Variants in PLEKHA5 observed in about 807,000 individuals in gnomAD.
PLEKHA5 encodes pleckstrin homology domain containing A5, also known as pleckstrin homology domain-containing family A member 5.
A neutral mutation model predicts 181.9 loss-of-function variants in PLEKHA5; 55 were observed. The observed-to-expected ratio is 0.30, with a 90% CI of 0.24 to 0.38. PLEKHA5 has a LOEUF of 0.38. Ranked by LOEUF, PLEKHA5 falls within the 10% of genes least tolerant of loss-of-function variation. The pLI is 1.00. For synonymous variants in PLEKHA5, 535 were observed against 529.4 expected (o/e 1.01, Z -0.15); for missense variants, 1,432 against 1,549.5 (o/e 0.92, Z 1.27).
chr12:19,319,449 G>GCTGTAA (rs986099383), intron 16 of PLEKHA5, among the ~76,000 whole-genome samples: 2 of 152,148 alleles, frequency 1.3e-5, no homozygotes, highest in Non-Finnish European at 2.9e-5. Context: ...TCCTTTTAAA[G>GCTGTAA]CTGTAACTGT....
chr12:19,354,573 C>T (rs1314971336), intron 26 of PLEKHA5, among the ~76,000 whole-genome samples: 2 of 150,574 alleles, frequency 1.3e-5, no homozygotes, highest in Admixed American at 6.6e-5. Context: ...CTCTGCCTCC[C>T]GGGTTCACAC....
intron 15 of PLEKHA5, chr12:19,307,602 T>A (rs1277301634): frequency 3.1e-6 from 1 of 327,510 alleles, no homozygotes; most frequent in East Asian, 8.8e-5. Flanking sequence ...GACTCTCATC[T>A]TCTAGACACA....
rs764193416 is a variant in PLEKHA5 at position 19,359,475 on chromosome 12, C to T, written c.3412C>T (p.His1138Tyr). 4.3e-5 allele frequency: 70 copies of T among 1,613,338 alleles called. No homozygotes were observed. The highest frequency in any genetic ancestry group is 5.9e-5 in the Non-Finnish European group (69 of 1,179,456). The part of the protein sequence containing the change: ...AIRENDVKPD[H>Y]ETPATEIVQL... ...TAGAGAAAATGATGTAAAGCCAGACCATGAAACTCCTGCAACAGAAATTGT... is the reference window on the plus strand; with the variant it reads ...TAGAGAAAATGATGTAAAGCCAGACTATGAAACTCCTGCAACAGAAATTGT... The change falls in exon 28 of 32, where the codon CAT (histidine) becomes TAT (tyrosine). Residue 1138 changes from histidine (H) to tyrosine (Y), a missense_variant. This residue lies in a region of PLEKHA5 where 1,143 missense variants were observed against 1,168.4 expected (regional missense o/e 0.98). Transcript: ENST00000429027.
At chr12:19,142,198 C>CAA (rs113358468) in intron 3 of PLEKHA5, among the ~76,000 whole-genome samples, 46 of 150,974 alleles carry the variant, frequency 3.0e-4, no homozygotes, top group African/African-American at 1.1e-3. Flanking sequence ...CCAATCTCTA[C>CAA]AAAAAAAAAT....
At chr12:19,362,813 A>G (rs1400575112) in intron 29 of PLEKHA5, among the ~76,000 whole-genome samples, 1 of 152,068 alleles carries the variant, frequency 6.6e-6, no homozygotes, top group Non-Finnish European at 1.5e-5. Context: ...GTCAAAAGGC[A>G]TATAAGCTGT....
chr12:19,333,673 A>G (rs2093076839), intron 20 of PLEKHA5, among the ~76,000 whole-genome samples: 1 of 141,490 alleles, frequency 7.1e-6, no homozygotes. Flanking sequence ...CAGTGACACC[A>G]TCTCGGCTCA....
chr12:19,137,639 A>G (rs374824468), intron 3 of PLEKHA5, among the ~76,000 whole-genome samples: 1 of 152,080 alleles, frequency 6.6e-6, no homozygotes, highest in South Asian at 2.1e-4. Flanking sequence ...CATAGCATTA[A>G]ACTCCTATAA....
chr12:19,184,780 C>T (rs758891700), intron 3 of PLEKHA5, among the ~76,000 whole-genome samples: 2 of 152,014 alleles, frequency 1.3e-5, no homozygotes, highest in East Asian at 3.9e-4. Context: ...AATTTTTAGC[C>T]TGGAAATGAA....
chr12:19,139,534 AT>A (rs2036687412), intron 3 of PLEKHA5, among the ~76,000 whole-genome samples: 1 of 152,188 alleles, frequency 6.6e-6, no homozygotes, highest in South Asian at 2.1e-4. Context: ...CTTATTGAAT[AT>A]TTACTGTGTG....
intron 3 of PLEKHA5, among the ~76,000 whole-genome samples, chr12:19,172,967 T>C (rs1252430910): frequency 1.3e-5 from 2 of 149,222 alleles, no homozygotes; most frequent in East Asian, 1.9e-4. Flanking sequence ...AAAAGTTGTT[T>C]TTTTTTTTTT....
intron 11 of PLEKHA5, among the ~76,000 whole-genome samples, chr12:19,280,773 C>T (rs1002005728): frequency 6.0e-5 from 9 of 150,836 alleles, no homozygotes; most frequent in Admixed American, 1.3e-4. Flanking sequence ...GTCACCAGCA[C>T]GATTTCAGCT....
chr12:19,321,050 C>A (rs2090557928), intron 18 of PLEKHA5, among the ~76,000 whole-genome samples: 1 of 151,718 alleles, frequency 6.6e-6, no homozygotes, highest in Non-Finnish European at 1.5e-5. Flanking sequence ...GCTTGTAATC[C>A]CAGCTACTCG....
intron 3 of PLEKHA5, chr12:19,151,745 A>C (rs1194634461): frequency 6.6e-6 from 1 of 152,104 alleles, no homozygotes; most frequent in Non-Finnish European, 1.5e-5. Flanking sequence ...ACAGTGATTT[A>C]ATTTAAGTAA....
intron 28 of PLEKHA5, 23 bp downstream of exon 28, chr12:19,359,569 G>A (rs745811765): frequency 8.7e-6 from 14 of 1,608,170 alleles, no homozygotes; most frequent in Non-Finnish European, 1.2e-5. Context: ...TTTTATGAAA[G>A]GTATTCCAAA....
intron 3 of PLEKHA5, among the ~76,000 whole-genome samples, chr12:19,160,669 C>G (rs961359056): frequency 6.6e-6 from 1 of 152,018 alleles, no homozygotes; most frequent in Non-Finnish European, 1.5e-5. Flanking sequence ...TGATGTACAT[C>G]TTTTTAGTTA....
At chr12:19,155,151 G>A (rs2151377208) in intron 3 of PLEKHA5, among the ~76,000 whole-genome samples, 1 of 152,246 alleles carries the variant, frequency 6.6e-6, no homozygotes, top group South Asian at 2.1e-4. Context: ...AACGTACATA[G>A]GAATTCTTAG....
intron 21 of PLEKHA5, among the ~76,000 whole-genome samples, chr12:19,339,696 A>G (rs1403627075): frequency 6.6e-6 from 1 of 152,204 alleles, no homozygotes; most frequent in Non-Finnish European, 1.5e-5. Context: ...ATTTCAAAAA[A>G]AAATAAAAGA....
At chr12:19,165,114 A>T (rs1828381752) in intron 3 of PLEKHA5, among the ~76,000 whole-genome samples, 1 of 152,140 alleles carries the variant, frequency 6.6e-6, no homozygotes. Flanking sequence ...TCACCCACTC[A>T]AATTATATAG....
At chr12:19,297,003 CT>C (rs2079987496) in intron 15 of PLEKHA5, among the ~76,000 whole-genome samples, 1 of 152,086 alleles carries the variant, frequency 6.6e-6, no homozygotes, top group African/African-American at 2.4e-5. Flanking sequence ...TCCCCTTTTC[CT>C]TTTCCCTAAT....
Sources: gnomAD v4.1 joint callset for allele counts (sites outside exome capture counted in the v4.1 genomes callset) on GRCh38, gnomAD v4.1.1 for gene constraint, gnomAD v4.1.1 regional missense constraint, MANE v1.5 for transcripts, NCBI Gene and HGNC (gene_info 2026-07-23, HGNC 2026-07-21) for gene names.